GPR33: variants seen among roughly 807,000 people sequenced by gnomAD.
GPR33 encodes the protein probable G protein-coupled receptor 33.
GPR33 carries 4 observed loss-of-function variants against 3.1 expected under a neutral mutation model. That is an observed-to-expected ratio of 1.29 (90% CI 0.64 to 2.96). The LOEUF is 2.96. Ranked by LOEUF, GPR33 falls within the 30% of genes most tolerant of loss-of-function variation. The pLI is 0.01. For synonymous variants in GPR33, 138 were observed against 142.0 expected (o/e 0.97, Z 0.20); for missense variants, 390 against 388.9 (o/e 1.00, Z -0.02).
intron 1 of GPR33, 119 bp from the exon 2 acceptor site, chr14:31,484,090 T>A: frequency 1.3e-6 from 1 of 777,156 alleles, no homozygotes; most frequent in Non-Finnish European, 2.0e-6. Flanking sequence ...GATAATATTT[T>A]AACAGCAGTA....
chr14:31,487,855 A>G (rs1391242952), intron 1 of GPR33, 42 bp downstream of exon 1: 1 of 152,160 alleles, frequency 6.6e-6, no homozygotes, highest in Non-Finnish European at 1.5e-5. Context: ...GTCAATTCGG[A>G]TGATAGCTCT....
At chr14:31,485,397 A>G (rs2032407946) in intron 1 of GPR33, among the ~76,000 whole-genome samples, 1 of 151,456 alleles carries the variant, frequency 6.6e-6, no homozygotes, top group African/African-American at 2.4e-5. Flanking sequence ...GCACTTTGGG[A>G]GGCCGAGGTG....
At position 31,482,967 on chromosome 14, in the gene GPR33, GGTTTGT is replaced by G. The variant is rs1171748102; in HGVS notation, c.993_998del (p.Gln332_Thr333del). ...ATTTAAATTTAGGCTTCTGAGTTTA[GGTTTGT>G]GTCCTTTCTACAGAAGAATCTTCAC... On this transcript the variant is annotated inframe_deletion, in exon 2 of 2. Coordinates refer to ENST00000399285, the MANE Select transcript of GPR33 (RefSeq NM_001197184.3). The G allele has an allele frequency of 2.0e-6, 3 of 1,504,008 alleles. No individual in the cohort carries two copies. In the South Asian group the frequency reaches 3.8e-5, roughly 19 times the overall value. 93.2% of individuals were successfully genotyped at this position (1,504,008 alleles called of 1,614,324 possible).
In GPR33 at chr14:31,482,978, T is replaced by C. The variant is rs1423143486; in HGVS notation, c.988A>G (p.Arg330Gly). The C allele has an allele frequency of 1.3e-6, 2 of 1,515,888 alleles. No individual in the cohort carries two copies. The highest frequency in any genetic ancestry group is 1.3e-5 in the South Asian group (1 of 79,732). 93.9% of individuals were successfully genotyped at this position (1,515,888 alleles called of 1,614,324 possible). A position where few individuals can be genotyped will look rare whatever the true frequency, so the allele number is the denominator to read the frequency against. ...STFSEDSSVE[R>G]TQT ...GGCTTCTGAGTTTAGGTTTGTGTCC[T>C]TTCTACAGAAGAATCTTCACTAAAT... Residue 330 changes from arginine (R) to glycine (G), a missense_variant, in exon 2 of 2, where the codon AGG becomes GGG. Arg to Gly is a moderately radical substitution (Grantham distance 125, BLOSUM62 -2). Transcript: ENST00000399285.
chr14:31,483,786 C>G lies in GPR33; in HGVS notation c.180G>C (p.Gln60His). 1 of 1,536,088 alleles carries G rather than the reference C, an allele frequency of 6.5e-7. No individual in the cohort carries two copies. The highest frequency in any genetic ancestry group is 2.4e-5 in the East Asian group (1 of 40,914). ...YLWVLRFKMK[Q>H]TVNTLLFFHL... ...GAAAAAATAAGAGAGTATTGACAGT[C>G]TGTTTCATCTTGAATCTTAGCACCC... Residue 60 changes from glutamine to histidine, a missense_variant, in exon 2 of 2, where the codon CAG becomes CAC. Transcript: ENST00000399285.
intron 1 of GPR33, among the ~76,000 whole-genome samples, chr14:31,487,168 G>C (rs558248608): frequency 6.6e-6 from 1 of 152,282 alleles, no homozygotes; most frequent in East Asian, 1.9e-4. Context: ...CAAAATCATA[G>C]TAAAACTTTT....
chr14:31,487,053 T>C (rs2032426355), intron 1 of GPR33, among the ~76,000 whole-genome samples: 1 of 152,150 alleles, frequency 6.6e-6, no homozygotes, highest in African/African-American at 2.4e-5. Context: ...GGTCTCTTTA[T>C]GTGTGTGCAT....
rs1199001368 is a variant in GPR33 at position 31,483,532 on chromosome 14, G to A, written c.434C>T (p.Ala145Val). The change falls in exon 2 of 2, where the codon GCT becomes GTT. Residue 145 changes from alanine to valine, a missense_variant. Coordinates refer to ENST00000399285, the MANE Select transcript of GPR33 (RefSeq NM_001197184.3). ...WSQQHRTPRW[A>V]SSIVLGVWIS... ...CCAGACTCCCAGGACAATGCTGGAA[G>A]CCCAGCGCGGGGTTCGGTGCTGCTG... The A allele has an allele frequency of 2.0e-6, 3 of 1,536,054 alleles. No homozygotes were observed. The highest frequency in any genetic ancestry group is 2.6e-6 in the Non-Finnish European group (3 of 1,146,928).
intron 1 of GPR33, among the ~76,000 whole-genome samples, chr14:31,485,254 A>G (rs1330823075): frequency 1.3e-5 from 2 of 151,986 alleles, no homozygotes; most frequent in Admixed American, 1.3e-4. Context: ...TAATATTAAT[A>G]GTTCATTCTT....
intron 1 of GPR33, among the ~76,000 whole-genome samples, chr14:31,487,077 T>C (rs951506507): frequency 1.3e-5 from 2 of 152,144 alleles, no homozygotes; most frequent in East Asian, 1.9e-4. Flanking sequence ...AGAAACTAGA[T>C]ACCCGAATTA....
At chr14:31,486,209 C>T (rs985404741) in intron 1 of GPR33, among the ~76,000 whole-genome samples, 5 of 152,268 alleles carry the variant, frequency 3.3e-5, no homozygotes, top group Middle Eastern at 6.8e-3. Flanking sequence ...ATCAATCCTC[C>T]CGCCTCAGCC....
intron 1 of GPR33, among the ~76,000 whole-genome samples, chr14:31,486,534 G>A (rs906986699): frequency 3.3e-5 from 5 of 152,212 alleles, no homozygotes; most frequent in Non-Finnish European, 7.3e-5. Flanking sequence ...AAAAAGTGGA[G>A]TCTGAAGCAT....
chr14:31,485,905 A>G (rs1364602709), intron 1 of GPR33, among the ~76,000 whole-genome samples: 2 of 152,164 alleles, frequency 1.3e-5, no homozygotes, highest in Non-Finnish European at 2.9e-5. Flanking sequence ...TTCTTGGATA[A>G]TGGATCCCAT....
At chr14:31,487,475 T>C (rs2032433384) in intron 1 of GPR33, among the ~76,000 whole-genome samples, 1 of 139,606 alleles carries the variant, frequency 7.2e-6, no homozygotes, top group Non-Finnish European at 1.5e-5. Flanking sequence ...AGTCTTGCTC[T>C]GTCCCCCAGG....
chr14:31,484,951 T>G (rs72672697), intron 1 of GPR33, among the ~76,000 whole-genome samples: 11,327 of 152,014 alleles, frequency 0.075, 590 homozygotes, highest in Admixed American at 0.17. Context: ...TTTTTTTTTT[T>G]TTGAGTCAGA....
In GPR33 at chr14:31,483,636, C is replaced by T. The variant is rs987434596; in HGVS notation, c.330G>A (p.Leu110=). ...GGAAGAAAACAGAGGTGAACATCCC[C>T]AGAGACAAAGTGCCATTGAAGACCT... ...LCKVFNGTLS[L]GMFTSVFFLS... Residue 110 remains leucine (L), a synonymous_variant, in exon 2 of 2, where the codon CTG becomes CTA. Transcript: ENST00000399285. 3 of 1,536,126 alleles carry T rather than the reference C, an allele frequency of 2.0e-6. No individual in the cohort carries two copies. Among genetic ancestry groups the T allele is most frequent in the Non-Finnish European group, 2.6e-6 (3 of 1,146,928 alleles).
intron 1 of GPR33, among the ~76,000 whole-genome samples, chr14:31,484,783 C>G (rs1198302394): frequency 1.3e-5 from 2 of 152,016 alleles, no homozygotes; most frequent in African/African-American, 4.8e-5. Context: ...CTCTCATGAG[C>G]TAATTATATA....
At position 31,482,991 on chromosome 14, in the gene GPR33, A is replaced by T. The variant is rs1356459090; in HGVS notation, c.975T>A (p.Asp325Glu). 4 of 1,525,358 alleles carry T rather than the reference A, an allele frequency of 2.6e-6. No homozygotes were observed. The highest frequency in any genetic ancestry group is 2.4e-5 in the East Asian group (1 of 40,856). 94.5% of individuals were successfully genotyped at this position (1,525,358 alleles called of 1,614,324 possible). A position where few individuals can be genotyped will look rare whatever the true frequency, so the allele number is the denominator to read the frequency against. The part of the protein sequence containing the change: ...LALFESTFSE[D>E]SSVERTQT ...AGGTTTGTGTCCTTTCTACAGAAGA[A>T]TCTTCACTAAATGTTGACTCAAACA... is the stretch of plus-strand genomic sequence containing the variant. Residue 325 changes from aspartate to glutamate, a missense_variant, in exon 2 of 2, where the codon GAT becomes GAA. Asp to Glu is a conservative substitution (Grantham distance 45). Coordinates refer to ENST00000399285, the MANE Select transcript of GPR33 (RefSeq NM_001197184.3).
rs1256557681 is a variant in GPR33, at chr14:31,483,473, T to C, written c.493A>G (p.Ile165Val). The C allele has an allele frequency of 6.5e-7, 1 of 1,535,992 alleles. No homozygotes were observed. The highest frequency in any genetic ancestry group is 2.0e-5 in the Admixed American group (1 of 50,992). ...SAAALSIPYL[I>V]FRETHHDRKG... ...CGGTCATGATGTGTCTCTCTGAAAATCAAATAGGGGATGCTGAGGGCAGCG... is the reference window on the plus strand; with the variant it reads ...CGGTCATGATGTGTCTCTCTGAAAACCAAATAGGGGATGCTGAGGGCAGCG... Residue 165 changes from isoleucine (I) to valine (V), a missense_variant, in exon 2 of 2, where the codon ATT becomes GTT. Physicochemically the swap from Ile to Val is conservative, Grantham distance 29 (BLOSUM62 3). Coordinates refer to ENST00000399285, the MANE Select transcript of GPR33 (RefSeq NM_001197184.3).
Sources: gnomAD v4.1 joint callset for allele counts (sites outside exome capture counted in the v4.1 genomes callset) on GRCh38, gnomAD v4.1.1 for gene constraint, MANE v1.5 for transcripts, NCBI Gene and HGNC (gene_info 2026-07-23, HGNC 2026-07-21) for gene names.